ZNF727: variants seen among roughly 807,000 people sequenced by gnomAD.
The protein encoded by ZNF727 is putative zinc finger protein 727.
A neutral mutation model predicts 11.5 loss-of-function variants in ZNF727; 11 were observed. The observed-to-expected ratio is 0.95, with a 90% confidence interval of 0.60 to 1.58. The LOEUF is 1.58. Ranked by LOEUF, ZNF727 falls within the 40% of genes most tolerant of loss-of-function variation. ZNF727 has a pLI of 0.00. For missense variants in ZNF727, 533 were observed against 581.7 expected (o/e 0.92, Z 0.86); for synonymous variants, 171 against 196.1 (o/e 0.87, Z 1.07).
chr7:64,054,380 C>T (rs948539206), intron 1 of ZNF727, among the ~76,000 whole-genome samples: 7 of 152,152 alleles, frequency 4.6e-5, no homozygotes, highest in Non-Finnish European at 7.3e-5. Flanking sequence ...CAGCTCTTTA[C>T]GATATGCTAT....
chr7:64,054,560 C>T (rs1016718273), intron 1 of ZNF727, among the ~76,000 whole-genome samples: 3 of 152,194 alleles, frequency 2.0e-5, no homozygotes, highest in Admixed American at 6.5e-5. Flanking sequence ...GGAATAACCT[C>T]AGAAATATTT....
At chr7:64,045,774 G>T in intron 1 of ZNF727, 150 bp downstream of exon 1, 2 of 1,044,746 alleles carry the variant, frequency 1.9e-6, no homozygotes, top group Non-Finnish European at 2.8e-6. Context: ...TCCCTCCGTC[G>T]CAGATTAGGA....
In ZNF727 at chr7:64,068,964, A is replaced by G; in HGVS notation, c.77A>G (p.Gln26Arg). 1 of 1,606,438 alleles carries G rather than the reference A, an allele frequency of 6.2e-7. No homozygotes were observed. The highest frequency in any genetic ancestry group is 8.5e-7 in the Non-Finnish European group (1 of 1,175,868). ...TGGGAATGCCTGGACTCTGCTCAGC[A>G]GCGTTTGTATAGGGATGTGATGTTA... ...EEWECLDSAQQRLYRDVMLEN... is the reference protein window; with the variant it reads ...EEWECLDSAQRRLYRDVMLEN... The change falls in exon 2 of 4, where the codon CAG becomes CGG. Residue 26 changes from glutamine (Q) to arginine (R), a missense_variant. This residue lies in a region of ZNF727 where 463 missense variants were observed against 494.5 expected (regional missense o/e 0.94). Coordinates refer to ENST00000456806, the MANE Select transcript of ZNF727 (RefSeq NM_001159522.3).
At chr7:64,076,994 T>A (rs1785676672) in intron 3 of ZNF727, among the ~76,000 whole-genome samples, 1 of 152,188 alleles carries the variant, frequency 6.6e-6, no homozygotes, top group South Asian at 2.1e-4. Flanking sequence ...GGATGAAGAA[T>A]GGCTGTGGTG....
chr7:64,068,584 A>C (rs1171685867), intron 1 of ZNF727, among the ~76,000 whole-genome samples: 1 of 152,126 alleles, frequency 6.6e-6, no homozygotes, highest in East Asian at 1.9e-4. Context: ...CCATGTGGGA[A>C]GTATAGACAG....
At chr7:64,052,873 T>G (rs1789624688) in intron 1 of ZNF727, among the ~76,000 whole-genome samples, 1 of 152,218 alleles carries the variant, frequency 6.6e-6, no homozygotes, top group South Asian at 2.1e-4. Context: ...GATTTCAAAC[T>G]TGCGTGAGAC....
chr7:64,066,073 A>G (rs149222425), intron 1 of ZNF727, among the ~76,000 whole-genome samples: 1 of 152,202 alleles, frequency 6.6e-6, no homozygotes, highest in African/African-American at 2.4e-5. Context: ...TTTATTGCCC[A>G]GGATAAGTCA....
At chr7:64,048,198 C>A (rs753006234) in intron 1 of ZNF727, among the ~76,000 whole-genome samples, 4 of 151,890 alleles carry the variant, frequency 2.6e-5, no homozygotes, top group Non-Finnish European at 5.9e-5. Flanking sequence ...TTAAAAAAAA[C>A]CACAAATGTT....
intron 1 of ZNF727, 61 bp downstream of exon 1, chr7:64,045,685 C>A: frequency 6.4e-7 from 1 of 1,551,094 alleles, no homozygotes; most frequent in Non-Finnish European, 8.7e-7. Context: ...CCGGTCGGAA[C>A]TGGCTGCGGT....
chr7:64,076,434 A>C (rs1219902958), intron 3 of ZNF727, among the ~76,000 whole-genome samples: 5 of 152,130 alleles, frequency 3.3e-5, no homozygotes, highest in Non-Finnish European at 7.3e-5. Context: ...AACACGGTGA[A>C]ACCCCATCTC....
At chr7:64,061,492 C>T (rs541287093) in intron 1 of ZNF727, among the ~76,000 whole-genome samples, 206 of 150,702 alleles carry the variant, frequency 1.4e-3, no homozygotes, top group African/African-American at 4.8e-3. Context: ...GTATAGCTAT[C>T]CCTGCTCTTT....
intron 3 of ZNF727, among the ~76,000 whole-genome samples, chr7:64,073,380 A>G (rs1024070206): frequency 3.3e-5 from 5 of 151,244 alleles, no homozygotes; most frequent in African/African-American, 9.7e-5. Context: ...TTTCTGGTCA[A>G]TTATTCTATT....
intron 3 of ZNF727, among the ~76,000 whole-genome samples, chr7:64,071,182 C>T (rs574784984): frequency 6.6e-6 from 1 of 151,864 alleles, no homozygotes; most frequent in Non-Finnish European, 1.5e-5. Context: ...TTTTAAAGAA[C>T]CTTCATACTG....
chr7:64,076,298 T>C (rs1004035132), intron 3 of ZNF727, among the ~76,000 whole-genome samples: 7 of 151,774 alleles, frequency 4.6e-5, no homozygotes, highest in Admixed American at 4.6e-4. Flanking sequence ...TAGTCAATGA[T>C]TGTTTTATTC....
At chr7:64,076,783 C>A (rs1785667148) in intron 3 of ZNF727, among the ~76,000 whole-genome samples, 1 of 152,166 alleles carries the variant, frequency 6.6e-6, no homozygotes, top group Non-Finnish European at 1.5e-5. Context: ...TATACCCATT[C>A]TCTGTCTATG....
Position 64,053,206 on chromosome 7 carries a change from T to G in ZNF727, c.3+7582T>G, listed in dbSNP as rs548509782. The stretch of plus-strand genomic sequence containing the variant: ...CCAAATCTCATCTGGAAGTCCCACA[T>G]GTAGGAGGGACCTGGTGGGAGGTAA... On this transcript the variant is annotated intron_variant, in intron 1 of 3. Transcript: ENST00000456806. Among the ~76,000 whole-genome samples, 18 of 152,270 alleles carry G rather than the reference T, an allele frequency of 1.2e-4. 2 individuals carry two copies. In the South Asian group the frequency reaches 3.7e-3, roughly 32 times the overall value.
chr7:64,050,075 A>C (rs760035748), intron 1 of ZNF727, among the ~76,000 whole-genome samples: 24 of 151,804 alleles, frequency 1.6e-4, no homozygotes, highest in Non-Finnish European at 1.0e-4. Flanking sequence ...ATTTTTCTAT[A>C]TATATATATT....
chr7:64,069,490 T>A (rs899125599), intron 2 of ZNF727, 24 bp from the exon 3 acceptor site: 2 of 1,510,626 alleles, frequency 1.3e-6, no homozygotes, highest in African/African-American at 1.4e-5. Flanking sequence ...GCAAGAGTCA[T>A]GTTATTTTTT....
chr7:64,061,891 A>G (rs1789777175), intron 1 of ZNF727, among the ~76,000 whole-genome samples: 1 of 151,648 alleles, frequency 6.6e-6, no homozygotes, highest in Admixed American at 6.6e-5. Context: ...TGAGGTTACC[A>G]TGAGGCTTGC....
Sources: gnomAD v4.1 joint callset for allele counts (sites outside exome capture counted in the v4.1 genomes callset) on GRCh38, gnomAD v4.1.1 for gene constraint, gnomAD v4.1.1 regional missense constraint, MANE v1.5 for transcripts, NCBI Gene and HGNC (gene_info 2026-07-23, HGNC 2026-07-21) for gene names.